The following TG variants were observed in gnomAD, a reference collection of about 807,000 sequenced individuals.
TG encodes thyroid hormones.
In TG, 270 loss-of-function variants were observed where a neutral mutation model predicts 324.7. That is an observed-to-expected ratio of 0.83 (90% CI 0.75 to 0.92). The LOEUF is 0.92. Among genes scored for constraint, TG ranks in the 40% least tolerant of loss-of-function variants. The pLI is 0.00. For missense variants in TG, 3,591 were observed against 3,456.4 expected (o/e 1.04, Z -0.98); for synonymous variants, 1,401 against 1,327.0 (o/e 1.06, Z -1.21).
In TG at chr8:132,967,892, GA is replaced by G. The variant is rs1828865629; in HGVS notation, c.5786del (p.Asp1929ValfsTer13). Reference protein sequence around the residue: ...CTLYPEAQVCDDIMESNAQGC... With the variant: ...CTLYPEAQVCXDIMESNAQGC... ...CCTCTACCCAGAGGCACAGGTGTGT[GA>G]TGACATCATGGAGTCCAATGCCCAG... is the stretch of plus-strand genomic sequence containing the variant. On this transcript the variant is annotated frameshift_variant, in exon 31 of 48. Transcript: ENST00000220616. LOFTEE classifies it high-confidence loss of function. 1 of 1,613,910 alleles carries G rather than the reference GA, an allele frequency of 6.2e-7. No homozygotes were observed. Among genetic ancestry groups the G allele is most frequent in the Non-Finnish European group, 8.5e-7 (1 of 1,179,966 alleles).
chr8:133,087,822 G>A (rs1236806256), intron 41 of TG: 1 of 152,190 alleles, frequency 6.6e-6, no homozygotes, highest in Non-Finnish European at 1.5e-5. Context: ...GCCTGTGAAT[G>A]TCACGTGACC....
chr8:133,071,788 C>A (rs11990445), intron 41 of TG, among the ~76,000 whole-genome samples: 1 of 152,084 alleles, frequency 6.6e-6, no homozygotes, highest in African/African-American at 2.4e-5. Context: ...GTTTCCTTCA[C>A]GGCACATACC....
chr8:133,039,873 G>T, intron 41 of TG: 1 of 1,456,336 alleles, frequency 6.9e-7, no homozygotes, highest in Non-Finnish European at 9.1e-7. Flanking sequence ...TTTCAGCAGG[G>T]CTGGCTGACT....
At chr8:133,044,230 G>A (rs560300753) in intron 41 of TG, among the ~76,000 whole-genome samples, 126 of 152,190 alleles carry the variant, frequency 8.3e-4, no homozygotes, top group Middle Eastern at 6.8e-3. Flanking sequence ...GTAAAGTTCC[G>A]ATTCCTGAGC....
intron 13 of TG, 145 bp from the exon 14 acceptor site, chr8:132,898,653 C>T: frequency 4.1e-6 from 3 of 731,062 alleles, no homozygotes; most frequent in South Asian, 3.0e-5. Flanking sequence ...CCACATGAGT[C>T]TTTGTCCTCA....
chr8:132,982,606 C>T (rs979105111), intron 34 of TG, among the ~76,000 whole-genome samples: 1 of 152,198 alleles, frequency 6.6e-6, no homozygotes, highest in Non-Finnish European at 1.5e-5. Context: ...CTTCAAAGTC[C>T]AGGCTGCCAC....
chr8:133,092,758 A>G (rs1213401665), intron 41 of TG, among the ~76,000 whole-genome samples: 1 of 152,078 alleles, frequency 6.6e-6, no homozygotes. Context: ...CCTGCCCCCG[A>G]GTGCTTTGTC....
chr8:132,892,708 G>GTT (rs1463831064), intron 10 of TG, among the ~76,000 whole-genome samples: 7 of 151,054 alleles, frequency 4.6e-5, no homozygotes, highest in African/African-American at 1.5e-4. Context: ...TGTGGTGTGT[G>GTT]TTTATGGGGT....
chr8:132,900,725 A>G (rs985598929), intron 15 of TG, among the ~76,000 whole-genome samples: 6 of 152,242 alleles, frequency 3.9e-5, no homozygotes, highest in African/African-American at 1.4e-4. Flanking sequence ...TTCTGCCTAA[A>G]CACCATAAAT....
At chr8:133,021,868 G>T in intron 39 of TG, 123 bp from the exon 40 acceptor site, 1 of 1,206,838 alleles carries the variant, frequency 8.3e-7, no homozygotes, top group East Asian at 2.4e-5. Flanking sequence ...TCCATCCACT[G>T]CATGGGGCTA....
chr8:132,901,421 G>A lies in TG; in HGVS notation c.3502G>A (p.Ala1168Thr), dbSNP rs1289525321. Residue 1168 changes from alanine to threonine, a missense_variant, in exon 16 of 48, where the codon GCC becomes ACC. Coordinates refer to ENST00000220616, the MANE Select transcript of TG (RefSeq NM_003235.5). ...GAGAGTCAGCCCAGGCTATGTCCCAGCCTGCAGGGCAGAGGATGGGGGCTT... is the reference window on the plus strand; with the variant it reads ...GAGAGTCAGCCCAGGCTATGTCCCAACCTGCAGGGCAGAGGATGGGGGCTT... ...SRRVSPGYVPACRAEDGGFSP... is the reference protein window; with the variant it reads ...SRRVSPGYVPTCRAEDGGFSP... 1 of 1,614,244 alleles carries A rather than the reference G, an allele frequency of 6.2e-7. No individual in the cohort carries two copies. Among genetic ancestry groups the A allele is most frequent in the Admixed American group, 1.7e-5 (1 of 60,030 alleles).
At chr8:133,061,693 T>G (rs1842389887) in intron 41 of TG, among the ~76,000 whole-genome samples, 1 of 152,186 alleles carries the variant, frequency 6.6e-6, no homozygotes, top group South Asian at 2.1e-4. Context: ...ATCTCCCACC[T>G]ACCTGTGTCT....
At chr8:132,926,900 C>T (rs1821944588) in intron 22 of TG, among the ~76,000 whole-genome samples, 1 of 152,208 alleles carries the variant, frequency 6.6e-6, no homozygotes, top group Admixed American at 6.5e-5. Flanking sequence ...GCCTCTCTCT[C>T]TGAAATCTCT....
At chr8:132,950,775 C>T (rs1013315542) in intron 27 of TG, among the ~76,000 whole-genome samples, 4 of 152,066 alleles carry the variant, frequency 2.6e-5, no homozygotes, top group African/African-American at 4.8e-5. Context: ...ACCCATCTCA[C>T]GGGGTTGGGA....
rs546147454 is a variant in TG at position 132,944,377 on chromosome 8, T to G, written c.5233+2835T>G. Among the ~76,000 whole-genome samples the G allele has an allele frequency of 2.6e-5, 4 of 152,348 alleles. No homozygotes were observed. The South Asian group carries it at 8.3e-4, about 32-fold the overall frequency. Reference sequence around the variant, plus strand: ...TCCTCCAAGTCATCCTATTCAACTTTAGGCTCTCCTTGTGATTTCCTCCTC... The same window carrying G: ...TCCTCCAAGTCATCCTATTCAACTTGAGGCTCTCCTTGTGATTTCCTCCTC... On this transcript the variant is annotated intron_variant, in intron 26 of 47. Transcript: ENST00000220616.
chr8:132,983,457 A>G (rs1587678539), intron 35 of TG, 45 bp downstream of exon 35: 2 of 1,565,892 alleles, frequency 1.3e-6, no homozygotes, highest in Non-Finnish European at 1.8e-6. Context: ...GTACCCCCTC[A>G]TTCATCTTCT....
chr8:133,101,529 C>T (rs959209918), intron 43 of TG, among the ~76,000 whole-genome samples: 3 of 152,164 alleles, frequency 2.0e-5, no homozygotes, highest in African/African-American at 7.2e-5. Context: ...TGATACCCAC[C>T]CAGCCCCTCC....
intron 43 of TG, among the ~76,000 whole-genome samples, chr8:133,112,116 ACC>A (rs1850299470): frequency 6.6e-6 from 1 of 151,190 alleles, no homozygotes; most frequent in Non-Finnish European, 1.5e-5. Context: ...GGCTGTGCCC[ACC>A]CAGGAGTGGC....
At position 132,922,326 on chromosome 8, in the gene TG, G is replaced by C. The variant is rs189235689; in HGVS notation, c.4529-1012G>C. Among the ~76,000 whole-genome samples the C allele has an allele frequency of 9.3e-5, 14 of 151,236 alleles. No individual in the cohort carries two copies. The East Asian group carries it at 2.3e-3, about 25-fold the overall frequency. On this transcript the variant is annotated intron_variant, in intron 21 of 47. Transcript: ENST00000220616. ...AGGTATTCATCCATGGATTTGACTA[G>C]CATTTATTGATTTTGGACAGAAGCT...
Sources: allele counts gnomAD v4.1 joint callset (sites outside exome capture counted in the v4.1 genomes callset), GRCh38; gene constraint gnomAD v4.1.1; transcripts MANE v1.5; gene names NCBI Gene and HGNC (gene_info 2026-07-23, HGNC 2026-07-21).